The following EIF2B3 variants were observed in gnomAD, a reference collection of about 807,000 sequenced individuals.
EIF2B3 encodes the protein eukaryotic translation initiation factor 2B subunit gamma.
In EIF2B3, 20 loss-of-function variants were observed where a neutral mutation model predicts 54.1. The observed-to-expected ratio is 0.37, with a 90% CI of 0.26 to 0.54. The LOEUF is 0.54. Among genes scored for constraint, EIF2B3 ranks in the 20% least tolerant of loss-of-function variants. The pLI is 0.86. For missense variants in EIF2B3, 448 were observed against 547.8 expected (o/e 0.82, Z 1.82); for synonymous variants, 153 against 188.1 (o/e 0.81, Z 1.52).
chr1:44,961,484 C>T (rs1209106887), intron 3 of EIF2B3, among the ~76,000 whole-genome samples: 1 of 152,044 alleles, frequency 6.6e-6, no homozygotes, highest in Non-Finnish European at 1.5e-5. Context: ...TTGAGACCAG[C>T]CTGGGTAACA....
intron 6 of EIF2B3, among the ~76,000 whole-genome samples, chr1:44,887,576 T>C (rs1314356265): frequency 2.0e-5 from 3 of 152,212 alleles, no homozygotes; most frequent in African/African-American, 7.2e-5. Context: ...CTGAAGTGCA[T>C]TGAGACTCAT....
intron 6 of EIF2B3, among the ~76,000 whole-genome samples, chr1:44,891,105 T>C (rs938629314): frequency 6.6e-6 from 1 of 152,150 alleles, no homozygotes; most frequent in Non-Finnish European, 1.5e-5. Flanking sequence ...TTTAAATTTT[T>C]AAATTTTTTT....
intron 6 of EIF2B3, among the ~76,000 whole-genome samples, chr1:44,890,159 T>A (rs1002912321): frequency 5.9e-5 from 9 of 152,146 alleles, no homozygotes; most frequent in African/African-American, 2.2e-4. Flanking sequence ...CTTTTTGGGA[T>A]CCAGGATCTG....
chr1:44,958,439 G>A, intron 3 of EIF2B3: 1 of 585,174 alleles, frequency 1.7e-6, no homozygotes, highest in Non-Finnish European at 3.0e-6. Flanking sequence ...CCAGATCGGA[G>A]TCTCACTGTT....
At chr1:44,884,873 A>G (rs1469858440) in intron 6 of EIF2B3, among the ~76,000 whole-genome samples, 2 of 152,240 alleles carry the variant, frequency 1.3e-5, no homozygotes, top group Non-Finnish European at 2.9e-5. Flanking sequence ...AGGATCCATG[A>G]TTTGAAGAGA....
At position 44,981,010 on chromosome 1, in the gene EIF2B3, T is replaced by C. The variant is rs1386834541; in HGVS notation, c.148+11A>G. On this transcript the variant is annotated intron_variant, in intron 2 of 11. Transcript: ENST00000360403. ...TTTTATGAGTTCACAGCTCACTTTG[T>C]CATAGCTCACCTTCAAATCCAACAC... The C allele has an allele frequency of 3.7e-6, 6 of 1,613,842 alleles. No homozygotes were observed. Among genetic ancestry groups the C allele is most frequent in the Admixed American group, 1.7e-5 (1 of 59,888 alleles).
At chr1:44,931,976 G>A (rs896914473) in intron 4 of EIF2B3, among the ~76,000 whole-genome samples, 2 of 152,178 alleles carry the variant, frequency 1.3e-5, no homozygotes, top group African/African-American at 4.8e-5. Context: ...GCTGGGCATG[G>A]TGGCACATGC....
rs756943097 is a variant in EIF2B3, at chr1:44,874,683, C to T, written c.1197G>A (p.Glu399=). The T allele has an allele frequency of 1.9e-6, 3 of 1,613,982 alleles. No individual in the cohort carries two copies. Among genetic ancestry groups the T allele is most frequent in the African/African-American group, 2.7e-5 (2 of 74,880 alleles). The change falls in exon 10 of 12, where the codon GAG becomes GAA. Residue 399 remains glutamate (E), a synonymous_variant. Coordinates refer to ENST00000360403, the MANE Select transcript of EIF2B3 (RefSeq NM_020365.5). Reference sequence around the variant, plus strand: ...GGGTACAGGGGGAAACATACCCTTCCTCCACAGTGACTGAGTTCATGAGAA... The same window carrying T: ...GGGTACAGGGGGAAACATACCCTTCTTCCACAGTGACTGAGTTCATGAGAA... ...NCLLMNSVTV[E]EGSNIQGSVI...
At chr1:44,941,442 A>G (rs1345053880) in intron 4 of EIF2B3, 64 bp downstream of exon 4, 3 of 1,523,620 alleles carry the variant, frequency 2.0e-6, no homozygotes, top group Non-Finnish European at 2.7e-6. Context: ...TTTTCAGGGA[A>G]AGCATGAGTG....
intron 3 of EIF2B3, chr1:44,959,485 A>T (rs1249631101): frequency 1.0e-5 from 3 of 290,730 alleles, no homozygotes; most frequent in Non-Finnish European, 2.0e-5. Flanking sequence ...TGACACTGTA[A>T]TGATCTAAGA....
intron 3 of EIF2B3, among the ~76,000 whole-genome samples, chr1:44,947,901 C>A (rs1644120415): frequency 6.6e-6 from 1 of 151,950 alleles, no homozygotes; most frequent in Non-Finnish European, 1.5e-5. Context: ...GACAAGGGGT[C>A]TCCCTATATT....
At chr1:44,914,553 T>C (rs1204864745) in intron 5 of EIF2B3, among the ~76,000 whole-genome samples, 1 of 152,254 alleles carries the variant, frequency 6.6e-6, no homozygotes, top group African/African-American at 2.4e-5. Context: ...TCAGCATAAA[T>C]GTTGTTTTTA....
intron 5 of EIF2B3, among the ~76,000 whole-genome samples, chr1:44,923,559 T>C: frequency 6.6e-6 from 1 of 152,180 alleles, no homozygotes; most frequent in Non-Finnish European, 1.5e-5. Flanking sequence ...CTTTTCTCCA[T>C]TTTACTGGGA....
At chr1:44,951,507 A>T (rs998166010) in intron 3 of EIF2B3, among the ~76,000 whole-genome samples, 1 of 152,130 alleles carries the variant, frequency 6.6e-6, no homozygotes, top group African/African-American at 2.4e-5. Flanking sequence ...CTTAATATAC[A>T]TCACTGTCTT....
intron 9 of EIF2B3, 67 bp downstream of exon 9, chr1:44,875,551 T>C: frequency 6.7e-7 from 1 of 1,500,128 alleles, no homozygotes; most frequent in Non-Finnish European, 9.3e-7. Flanking sequence ...CAATCCGGCT[T>C]CTCAAAAACA....
At chr1:44,899,263 C>T (rs1051500743) in intron 5 of EIF2B3, among the ~76,000 whole-genome samples, 6 of 152,194 alleles carry the variant, frequency 3.9e-5, no homozygotes, top group Non-Finnish European at 5.9e-5. Context: ...ACTATCACCA[C>T]AATCCAGTTA....
At chr1:44,880,118 G>A in intron 7 of EIF2B3, 110 bp from the exon 8 acceptor site, 5 of 1,227,454 alleles carry the variant, frequency 4.1e-6, no homozygotes, top group Non-Finnish European at 5.8e-6. Flanking sequence ...GTCTTGCTAT[G>A]TTGCCTAGGC....
chr1:44,984,377 C>T (rs907321087), intron 1 of EIF2B3, among the ~76,000 whole-genome samples: 4 of 150,770 alleles, frequency 2.7e-5, no homozygotes, highest in African/African-American at 9.8e-5. Flanking sequence ...CCCAGATACT[C>T]GGGAGGCTGA....
chr1:44,883,544 C>G (rs1246106724), intron 6 of EIF2B3, among the ~76,000 whole-genome samples: 4 of 152,134 alleles, frequency 2.6e-5, no homozygotes, highest in Non-Finnish European at 5.9e-5. Flanking sequence ...AAACTGGGCT[C>G]AGCAGAGGAC....
Sources: gnomAD v4.1 joint callset for allele counts (sites outside exome capture counted in the v4.1 genomes callset) on GRCh38, gnomAD v4.1.1 for gene constraint, MANE v1.5 for transcripts, NCBI Gene and HGNC (gene_info 2026-07-23, HGNC 2026-07-21) for gene names.